Variants in KCNK5 observed in about 807,000 individuals in gnomAD.
KCNK5 encodes the protein potassium two pore domain channel subfamily K member 5.
KCNK5 carries 18 observed loss-of-function variants against 32.9 expected under a neutral mutation model. That is an observed-to-expected ratio of 0.55 (90% confidence interval 0.38 to 0.81). The LOEUF is 0.81. KCNK5 is among the 30% of genes least tolerant of loss of function. The pLI is 0.00. For synonymous variants in KCNK5, 276 were observed against 275.3 expected (o/e 1.00, Z -0.03); for missense variants, 507 against 651.0 (o/e 0.78, Z 2.41).
chr6:39,209,469 A>G (rs909343961), intron 1 of KCNK5, among the ~76,000 whole-genome samples: 1 of 152,164 alleles, frequency 6.6e-6, no homozygotes, highest in Non-Finnish European at 1.5e-5. Context: ...TTTTGTGCTG[A>G]AGGTATGGAA....
At chr6:39,209,817 G>A (rs1429741178) in intron 1 of KCNK5, among the ~76,000 whole-genome samples, 1 of 152,194 alleles carries the variant, frequency 6.6e-6, no homozygotes, top group Non-Finnish European at 1.5e-5. Context: ...TTTGACAGAT[G>A]AGCCTGTATA....
At chr6:39,196,513 T>C (rs1201863007) in intron 1 of KCNK5, among the ~76,000 whole-genome samples, 1 of 152,174 alleles carries the variant, frequency 6.6e-6, no homozygotes, top group Non-Finnish European at 1.5e-5. Context: ...CAGGTCCTTG[T>C]TCAGGGTTGG....
At chr6:39,216,716 G>A (rs6936912) in intron 1 of KCNK5, among the ~76,000 whole-genome samples, 7,313 of 152,236 alleles carry the variant, frequency 0.048, 209 homozygotes, top group Admixed American at 0.098. Context: ...TGTAGGCCAC[G>A]GCAGCTCCCG....
intron 1 of KCNK5, among the ~76,000 whole-genome samples, chr6:39,225,454 T>C (rs896691868): frequency 2.0e-5 from 3 of 152,196 alleles, no homozygotes; most frequent in African/African-American, 7.2e-5. Context: ...TCTCAAATCC[T>C]TCCTGTTTCT....
chr6:39,200,950 G>A (rs1462205317), intron 1 of KCNK5, among the ~76,000 whole-genome samples: 1 of 152,198 alleles, frequency 6.6e-6, no homozygotes, highest in East Asian at 1.9e-4. Context: ...CAAGGTGGGG[G>A]CTTCCCCTTT....
chr6:39,213,880 G>T lies in KCNK5; in HGVS notation c.186+15046C>A, dbSNP rs146795364. On this transcript the variant is annotated intron_variant, in intron 1 of 4. Transcript: ENST00000359534. ...TTTCTACTAAAAACACAAAAAATTA[G>T]CCGGGTGTGGTGGTGTGGGCCTGTA... Among the ~76,000 whole-genome samples the T allele has an allele frequency of 1.1e-4, 17 of 152,248 alleles. No individual in the cohort carries two copies. The East Asian group carries it at 3.1e-3, about 28-fold the overall frequency.
intron 1 of KCNK5, among the ~76,000 whole-genome samples, chr6:39,219,378 G>A (rs556410373): frequency 1.3e-5 from 2 of 152,084 alleles, no homozygotes; most frequent in Non-Finnish European, 2.9e-5. Context: ...TTCCTCTTGC[G>A]AGGGGGGTAT....
At chr6:39,213,068 C>A (rs540208936) in intron 1 of KCNK5, among the ~76,000 whole-genome samples, 65 of 152,264 alleles carry the variant, frequency 4.3e-4, no homozygotes, top group African/African-American at 1.5e-3. Flanking sequence ...GCTCAAGTCC[C>A]ACAGTCAGTC....
In KCNK5 at chr6:39,195,000, G is replaced by A. The variant is rs1024047581; in HGVS notation, c.299-240C>T. ...CTCCCTGAAGGCAGGGACTAAGCCT[G>A]GTCAACAGGTCTTCCACTAGTCTAT... is the stretch of plus-strand genomic sequence containing the variant. On this transcript the variant is annotated intron_variant, in intron 2 of 4. Transcript: ENST00000359534. The surrounding 1 kb of genome is among the most constrained non-coding windows in gnomAD (Gnocchi z 4.7). 1.3e-5 allele frequency among the ~76,000 whole-genome samples: 2 copies of A among 152,154 alleles called. No individual in the cohort carries two copies. The highest frequency in any genetic ancestry group is 6.5e-5 in the Admixed American group (1 of 15,276).
At chr6:39,228,059 C>T (rs1285492876) in intron 1 of KCNK5, among the ~76,000 whole-genome samples, 2 of 152,034 alleles carry the variant, frequency 1.3e-5, no homozygotes, top group Non-Finnish European at 2.9e-5. Flanking sequence ...CAAATGGGCC[C>T]CAAGGTCTCA....
At position 39,189,077 on chromosome 6, in the gene KCNK5, C is replaced by T. The variant is rs551349128; in HGVS notation, c.*1813G>A. 3 of 152,414 alleles carry T rather than the reference C, an allele frequency of 2.0e-5. No individual in the cohort carries two copies. The highest frequency in any genetic ancestry group is 2.1e-4 in the South Asian group (1 of 4,828). The allele number at this position is 152,414 out of a possible 1,614,324, so 9.4% of individuals were successfully genotyped here. A position where few individuals can be genotyped will look rare whatever the true frequency, so the allele number is the denominator to read the frequency against. ...TGCGCGATGCCAGGACAACCAGCAA[C>T]AACATGGTTCATTAAAACATTTCAC... On this transcript the variant is annotated 3_prime_UTR_variant, in exon 5 of 5. Transcript: ENST00000359534.
intron 1 of KCNK5, among the ~76,000 whole-genome samples, chr6:39,217,617 A>G (rs1583719268): frequency 6.6e-6 from 1 of 152,106 alleles, no homozygotes; most frequent in East Asian, 1.9e-4. Context: ...CTGGGCCTTG[A>G]CTCAGGAGGC....
intron 1 of KCNK5, among the ~76,000 whole-genome samples, chr6:39,208,484 C>T (rs7756271): frequency 0.029 from 4,472 of 152,290 alleles, 214 homozygotes; most frequent in African/African-American, 0.1. Context: ...CCACCTGTCC[C>T]GAAATCCTTC....
At position 39,191,862 on chromosome 6, in the gene KCNK5, C is replaced by A; in HGVS notation, c.635-107G>T. On this transcript the variant is annotated intron_variant, in intron 4 of 4. Transcript: ENST00000359534. This position sits in a 1 kb window ranked among gnomAD's most constrained non-coding sequence, Gnocchi z 5.8. The stretch of plus-strand genomic sequence containing the variant: ...GCAGGGGTCAGGCCAGAGCACAGGA[C>A]GGGGGTGCAGTGGGATAGAAAGGGG... The A allele has an allele frequency of 8.1e-7, 1 of 1,238,906 alleles. No individual in the cohort carries two copies. Among genetic ancestry groups the A allele is most frequent in the East Asian group, 2.3e-5 (1 of 42,756 alleles). 76.7% of individuals were successfully genotyped at this position (1,238,906 alleles called of 1,614,324 possible).
At chr6:39,206,746 T>C (rs561752469) in intron 1 of KCNK5, among the ~76,000 whole-genome samples, 25 of 152,202 alleles carry the variant, frequency 1.6e-4, no homozygotes, top group Non-Finnish European at 3.4e-4. Context: ...CAGCATCCAC[T>C]AGCGGGTTAC....
intron 1 of KCNK5, among the ~76,000 whole-genome samples, chr6:39,223,584 T>C (rs1771599404): frequency 6.6e-6 from 1 of 152,222 alleles, no homozygotes; most frequent in South Asian, 2.1e-4. Flanking sequence ...AACTGGTTCT[T>C]GCAGCACCAT....
At chr6:39,199,375 T>C (rs1276692874) in intron 1 of KCNK5, among the ~76,000 whole-genome samples, 1 of 152,208 alleles carries the variant, frequency 6.6e-6, no homozygotes, top group Non-Finnish European at 1.5e-5. Context: ...ACTGATGGTG[T>C]GCCCTTTGGG....
intron 1 of KCNK5, among the ~76,000 whole-genome samples, chr6:39,228,653 AC>A (rs1160186877): frequency 6.6e-6 from 1 of 152,018 alleles, no homozygotes; most frequent in Non-Finnish European, 1.5e-5. Context: ...ACACTGAAAC[AC>A]CGTGGAGCCT....
intron 1 of KCNK5, among the ~76,000 whole-genome samples, chr6:39,209,589 A>G (rs1390633224): frequency 6.6e-6 from 1 of 152,254 alleles, no homozygotes; most frequent in Non-Finnish European, 1.5e-5. Flanking sequence ...ATGAGAGGCC[A>G]GGCAACAGGA....
Sources: gnomAD v4.1 joint callset for allele counts (sites outside exome capture counted in the v4.1 genomes callset) on GRCh38, gnomAD v4.1.1 for gene constraint, Gnocchi (gnomAD v3.1) non-coding constraint, MANE v1.5 for transcripts, NCBI Gene and HGNC (gene_info 2026-07-23, HGNC 2026-07-21) for gene names.